The following DPP6 variants were observed in gnomAD, a reference collection of about 807,000 sequenced individuals.
The protein encoded by DPP6 is dipeptidyl peptidase like 6, also known as A-type potassium channel modulatory protein DPP6.
A neutral mutation model predicts 122.6 loss-of-function variants in DPP6; 69 were observed. The observed-to-expected ratio is 0.56, with a 90% confidence interval of 0.46 to 0.69. The LOEUF (loss-of-function observed/expected upper bound fraction) is 0.69, where lower values mean the gene tolerates loss of function less well. Among genes scored for constraint, DPP6 ranks in the 30% least tolerant of loss-of-function variants. The probability of loss-of-function intolerance (pLI) is 0.00; values close to 1 mark genes in which losing one functional copy is unlikely to be tolerated. For synonymous variants in DPP6, 418 were observed against 433.1 expected (o/e 0.97, Z 0.43); for missense variants, 928 against 1,116.9 (o/e 0.83, Z 2.41).
intron 1 of DPP6, among the ~76,000 whole-genome samples, chr7:154,229,695 C>G (rs1369286181): frequency 6.6e-6 from 1 of 152,060 alleles, no homozygotes; most frequent in Non-Finnish European, 1.5e-5. Context: ...ATTATTACAC[C>G]ATTCTTCCGT....
In DPP6 at chr7:154,173,527, C is replaced by T. The variant is rs149484201; in HGVS notation, c.243+120464C>T. On this transcript the variant is annotated intron_variant, in intron 1 of 25. Transcript: ENST00000377770. Reference sequence around the variant, plus strand: ...ATCTCTCTCCACTGCCTGGACTCCTCTCTCTCTGCCTTCTCTCTCTGTTTC... The same window carrying T: ...ATCTCTCTCCACTGCCTGGACTCCTTTCTCTCTGCCTTCTCTCTCTGTTTC... 2.1e-3 allele frequency among the ~76,000 whole-genome samples: 323 copies of T among 152,214 alleles called. 5 individuals are homozygous for T. The highest frequency in any genetic ancestry group is 7.5e-3 in the African/African-American group (313 of 41,534).
At chr7:154,305,230 T>C in intron 1 of DPP6, 1 of 1,209,650 alleles carries the variant, frequency 8.3e-7, no homozygotes, top group Non-Finnish European at 1.0e-6. Flanking sequence ...TCTGTGGCGA[T>C]TGCAGAGGCT....
At chr7:154,829,599 G>A (rs990349760) in intron 16 of DPP6, among the ~76,000 whole-genome samples, 5 of 152,100 alleles carry the variant, frequency 3.3e-5, no homozygotes, top group Admixed American at 3.3e-4. Context: ...AAGCAAATTG[G>A]GAGTCAGTGC....
At chr7:154,801,636 C>G (rs930588424) in intron 13 of DPP6, among the ~76,000 whole-genome samples, 174 bp downstream of exon 13, 1 of 152,110 alleles carries the variant, frequency 6.6e-6, no homozygotes, top group African/African-American at 2.4e-5. Context: ...TCCCATCAGG[C>G]CTGGTGGAAC....
At chr7:154,381,246 C>A (rs1022203762) in intron 1 of DPP6, among the ~76,000 whole-genome samples, 5 of 152,232 alleles carry the variant, frequency 3.3e-5, no homozygotes, top group Non-Finnish European at 7.3e-5. Context: ...CCATGCCAGG[C>A]AGCCTCCTGG....
intron 1 of DPP6, among the ~76,000 whole-genome samples, chr7:154,360,344 C>G (rs968462803): frequency 5.3e-5 from 8 of 152,182 alleles, no homozygotes; most frequent in African/African-American, 1.9e-4. Context: ...GATCTAACCT[C>G]TTGAGTGACT....
chr7:153,963,300 C>T (rs1431229241), intron 1 of DPP6, among the ~76,000 whole-genome samples: 1 of 151,452 alleles, frequency 6.6e-6, no homozygotes, highest in Non-Finnish European at 1.5e-5. Context: ...TGCCACGTGC[C>T]AGGCACTATG....
intron 1 of DPP6, among the ~76,000 whole-genome samples, chr7:154,200,889 G>C (rs1799135759): frequency 2.6e-5 from 4 of 152,096 alleles, no homozygotes; most frequent in Admixed American, 6.5e-5. Flanking sequence ...AATCTCTTCT[G>C]ATGGTCCTCA....
At chr7:153,862,443 A>G in the DPP6 span, among the ~76,000 whole-genome samples, 17 of 152,142 alleles carry the variant, frequency 1.1e-4, no homozygotes, top group African/African-American at 3.9e-4. Flanking sequence ...AAAAACACCT[A>G]CTGCAGTTAA....
intron 1 of DPP6, among the ~76,000 whole-genome samples, chr7:153,937,978 T>C (rs1181501484): frequency 6.6e-6 from 1 of 152,176 alleles, no homozygotes; most frequent in East Asian, 1.9e-4. Context: ...AAAAAATATA[T>C]GACAGGTGCT....
chr7:154,097,584 A>T (rs1188915043), intron 1 of DPP6, among the ~76,000 whole-genome samples: 5 of 152,268 alleles, frequency 3.3e-5, no homozygotes, highest in African/African-American at 4.8e-5. Flanking sequence ...CTATTTGAAG[A>T]TGAAATTAGA....
At chr7:153,813,418 T>G in the DPP6 span, among the ~76,000 whole-genome samples, 3 of 152,142 alleles carry the variant, frequency 2.0e-5, no homozygotes, top group Non-Finnish European at 4.4e-5. Flanking sequence ...CTTAATCCAG[T>G]CTATCATTGT....
At chr7:153,836,921 C>T in the DPP6 span, among the ~76,000 whole-genome samples, 1 of 152,178 alleles carries the variant, frequency 6.6e-6, no homozygotes, top group Non-Finnish European at 1.5e-5. Context: ...GGATTACCCT[C>T]TATCTTGTGG....
chr7:154,332,140 C>T (rs942761471), intron 1 of DPP6, among the ~76,000 whole-genome samples: 8 of 151,888 alleles, frequency 5.3e-5, no homozygotes, highest in Non-Finnish European at 1.2e-4. Context: ...GGTGCAATCC[C>T]AGCTCACTGC....
At chr7:154,647,697 A>G (rs192414692) in intron 6 of DPP6, among the ~76,000 whole-genome samples, 2 of 152,304 alleles carry the variant, frequency 1.3e-5, no homozygotes, top group Admixed American at 1.3e-4. Flanking sequence ...GCCAGATGTT[A>G]CAGGTCACTG....
chr7:154,529,804 A>C (rs182616771), intron 3 of DPP6, among the ~76,000 whole-genome samples: 256 of 152,362 alleles, frequency 1.7e-3, no homozygotes, highest in Non-Finnish European at 2.8e-3. Flanking sequence ...AATTACCATG[A>C]CTTAGGAAAG....
chr7:154,453,536 C>T (rs1186735270), intron 2 of DPP6, among the ~76,000 whole-genome samples: 2 of 149,192 alleles, frequency 1.3e-5, no homozygotes, highest in Admixed American at 1.3e-4. Flanking sequence ...ATATATTTAA[C>T]ATAAATATTA....
chr7:154,424,951 G>T (rs1008591368), intron 1 of DPP6, among the ~76,000 whole-genome samples: 3 of 152,218 alleles, frequency 2.0e-5, no homozygotes, highest in Non-Finnish European at 4.4e-5. Flanking sequence ...TTGCTTTGCC[G>T]TGGTTATTGC....
At chr7:154,408,851 T>C (rs1326984079) in intron 1 of DPP6, among the ~76,000 whole-genome samples, 2 of 152,044 alleles carry the variant, frequency 1.3e-5, no homozygotes, top group South Asian at 2.1e-4. Flanking sequence ...CTCAAATTTA[T>C]ATGTTAAGGC....
Sources: allele counts gnomAD v4.1 joint callset (sites outside exome capture counted in the v4.1 genomes callset), GRCh38; gene constraint gnomAD v4.1.1; transcripts MANE v1.5; gene names NCBI Gene and HGNC (gene_info 2026-07-23, HGNC 2026-07-21).